OPN3: variants seen among roughly 807,000 people sequenced by gnomAD.
The protein encoded by OPN3 is opsin-3.
Under a neutral mutation model 33.8 loss-of-function variants are expected in OPN3, and 29 were observed. The observed-to-expected ratio is 0.86, with a 90% CI of 0.64 to 1.17. The LOEUF (loss-of-function observed/expected upper bound fraction) is 1.17. Among genes scored for constraint, OPN3 ranks in the 50% most tolerant of loss-of-function variants. OPN3 has a pLI of 0.00. For synonymous variants in OPN3, 216 were observed against 216.1 expected, an observed-to-expected ratio of 1.00 and a Z score of 0.00; for missense variants, 437 against 514.1, an observed-to-expected ratio of 0.85 and a Z score of 1.45.
At position 241,640,042 on chromosome 1, in the gene OPN3, C is replaced by T. The variant is rs1220110039; in HGVS notation, c.213G>A (p.Arg71=). The T allele has an allele frequency of 1.2e-6, 2 of 1,613,126 alleles. No individual in the cohort carries two copies. The highest frequency in any genetic ancestry group is 1.1e-5 in the South Asian group (1 of 90,992). ...GGAGGAGGTGAGTGGGAGTGCGGAG[C>T]CGCTGGAACTTGTAGTAGAGGACGA... ...LVLVLYYKFQ[R]LRTPTHLLLV... is the part of the protein sequence containing the mutation. The change falls in exon 1 of 4, where the codon CGG becomes CGA. Residue 71 remains arginine, a synonymous_variant. Coordinates refer to ENST00000366554, the MANE Select transcript of OPN3 (RefSeq NM_014322.3).
intron 1 of OPN3, among the ~76,000 whole-genome samples, chr1:241,627,308 C>T (rs556415085): frequency 1.3e-5 from 2 of 151,808 alleles, no homozygotes; most frequent in Non-Finnish European, 1.5e-5. Context: ...GAAGCCACCA[C>T]TTTTTAAATA....
At chr1:241,611,742 G>A (rs1664007501) in intron 1 of OPN3, among the ~76,000 whole-genome samples, 1 of 152,200 alleles carries the variant, frequency 6.6e-6, no homozygotes, top group South Asian at 2.1e-4. Flanking sequence ...GCTCTGAGGA[G>A]CCATTAAGCT....
chr1:241,634,796 T>C lies in OPN3; in HGVS notation c.373+5086A>G. 3 of 1,613,936 alleles carry C rather than the reference T, an allele frequency of 1.9e-6. No individual in the cohort carries two copies. The African/African-American group carries it at 4.0e-5, about 22-fold the overall frequency. On this transcript the variant is annotated intron_variant, in intron 1 of 3. Coordinates refer to ENST00000366554, the MANE Select transcript of OPN3 (RefSeq NM_014322.3). ...AGTTAGTTTTTTAGTTTTTAAGTATTCTGAAAATGAACACTGCCTGAAAGC... is the reference window on the plus strand; with the variant it reads ...AGTTAGTTTTTTAGTTTTTAAGTATCCTGAAAATGAACACTGCCTGAAAGC...
intron 3 of OPN3, among the ~76,000 whole-genome samples, chr1:241,595,946 G>A (rs1019442203): frequency 2.4e-4 from 36 of 152,146 alleles, no homozygotes; most frequent in Non-Finnish European, 2.2e-4. Flanking sequence ...GACAAGGACC[G>A]TTGTTTTTAT....
chr1:241,634,782 T>C, intron 1 of OPN3: 1 of 1,614,036 alleles, frequency 6.2e-7, no homozygotes, highest in Non-Finnish European at 8.5e-7. Context: ...GTTAGTTTTT[T>C]AGTTTTTAAG....
intron 1 of OPN3, among the ~76,000 whole-genome samples, chr1:241,611,759 G>A (rs1300621410): frequency 2.6e-5 from 4 of 152,146 alleles, no homozygotes; most frequent in African/African-American, 4.8e-5. Flanking sequence ...AGCTGTTTTT[G>A]TTCACTTCCA....
At chr1:241,634,879 C>T in intron 1 of OPN3, 1 of 1,609,570 alleles carries the variant, frequency 6.2e-7, no homozygotes, top group Non-Finnish European at 8.5e-7. Context: ...ATTTCATTAG[C>T]ATCCTCTTTT....
intron 1 of OPN3, chr1:241,636,017 A>G (rs965811016): frequency 4.1e-5 from 20 of 486,342 alleles, no homozygotes; most frequent in African/African-American, 4.0e-4. Flanking sequence ...TCTGCATTTC[A>G]TCTTAGCAGT....
At chr1:241,615,841 CA>C (rs1209253070) in intron 1 of OPN3, 12 of 456,444 alleles carry the variant, frequency 2.6e-5, no homozygotes, top group African/African-American at 2.4e-4. Context: ...CCACTGTCAC[CA>C]CCATTGCATA....
At chr1:241,624,227 T>C (rs113522657) in intron 1 of OPN3, among the ~76,000 whole-genome samples, 468 of 59,900 alleles carry the variant, frequency 7.8e-3, no homozygotes, top group Middle Eastern at 0.029. Flanking sequence ...GGACCCTCTT[T>C]CACCTGTCCT....
chr1:241,630,632 C>A (rs1664594809), intron 1 of OPN3: 1 of 151,848 alleles, frequency 6.6e-6, no homozygotes, highest in African/African-American at 2.4e-5. Context: ...TCTCTTTAAC[C>A]ATATATAAAA....
intron 1 of OPN3, chr1:241,631,274 T>C (rs978198365): frequency 3.3e-5 from 5 of 152,118 alleles, no homozygotes; most frequent in African/African-American, 9.7e-5. Context: ...CTATTTCCAT[T>C]ATATTCGGCT....
chr1:241,598,980 G>A (rs1663611382), intron 2 of OPN3, among the ~76,000 whole-genome samples: 1 of 151,908 alleles, frequency 6.6e-6, no homozygotes, highest in Non-Finnish European at 1.5e-5. Context: ...GTACCTTTTG[G>A]TTCTAGCATT....
intron 1 of OPN3, chr1:241,630,108 T>C (rs1418081944): frequency 6.6e-6 from 1 of 152,062 alleles, no homozygotes; most frequent in Non-Finnish European, 1.5e-5. Flanking sequence ...TCTAACTTAA[T>C]CCCCACAATA....
chr1:241,597,893 G>T lies in OPN3; in HGVS notation c.798C>A (p.Val266=). 1 of 1,613,706 alleles carries T rather than the reference G, an allele frequency of 6.2e-7. No homozygotes were observed. Among genetic ancestry groups the T allele is most frequent in the Non-Finnish European group, 8.5e-7 (1 of 1,179,926 alleles). The change falls in exon 3 of 4, where the codon GTC becomes GTA. Residue 266 remains valine, a synonymous_variant. Transcript: ENST00000366554. ...AGATCACGATATAAGGCATCCAACA[G>T]ACCAGGAAGGTGAATATCATTAAAA... ...MCFLMIFTFL[V]CWMPYIVICF...
intron 1 of OPN3, among the ~76,000 whole-genome samples, chr1:241,615,221 A>C (rs1464293958): frequency 6.6e-6 from 1 of 152,112 alleles, no homozygotes; most frequent in African/African-American, 2.4e-5. Flanking sequence ...AAAAAAAAAA[A>C]AAACAGTTGG....
chr1:241,637,292 T>C (rs550629576), intron 1 of OPN3, among the ~76,000 whole-genome samples: 30 of 152,316 alleles, frequency 2.0e-4, no homozygotes, highest in Non-Finnish European at 3.7e-4. Flanking sequence ...TTAAATTGCA[T>C]AGGGCACACA....
intron 1 of OPN3, chr1:241,634,896 T>C (rs1558447831): frequency 6.2e-7 from 1 of 1,610,418 alleles, no homozygotes; most frequent in Non-Finnish European, 8.5e-7. Context: ...TTTTCAACCA[T>C]GGTGAGTTCC....
Position 241,640,323 on chromosome 1 carries a change from A to T in OPN3, c.-69T>A. ...CGGCGGGGCTCGCGGCGCGCTCCGC[A>T]CTGGGTGGGGTTGGGGCTCCGCCGC... On this transcript the variant is annotated 5_prime_UTR_variant, in exon 1 of 4. Transcript: ENST00000366554. The T allele has an allele frequency of 9.2e-7, 1 of 1,087,386 alleles. No homozygotes were observed. Among genetic ancestry groups the T allele is most frequent in the Non-Finnish European group, 1.1e-6 (1 of 899,374 alleles). 67.4% of individuals were successfully genotyped at this position (1,087,386 alleles called of 1,614,324 possible).
Sources: gnomAD v4.1 joint callset for allele counts (sites outside exome capture counted in the v4.1 genomes callset) on GRCh38, gnomAD v4.1.1 for gene constraint, MANE v1.5 for transcripts, NCBI Gene and HGNC (gene_info 2026-07-23, HGNC 2026-07-21) for gene names.